Variants in MPDZ observed in about 807,000 individuals in gnomAD.
The protein encoded by MPDZ is multiple PDZ domain protein.
Under a neutral mutation model 239.1 loss-of-function variants are expected in MPDZ, and 234 were observed. The observed-to-expected ratio is 0.98, with a 90% CI of 0.88 to 1.09. MPDZ has a LOEUF of 1.09. Among genes scored for constraint, MPDZ ranks in the 50% least tolerant of loss-of-function variants. MPDZ has a pLI of 0.00. For synonymous variants in MPDZ, 1,048 were observed against 881.3 expected (o/e 1.19, Z -3.35); for missense variants, 3,175 against 2,510.0 (o/e 1.26, Z -5.66).
At chr9:13,263,474 T>G (rs2138861621) in intron 1 of MPDZ, among the ~76,000 whole-genome samples, 1 of 152,030 alleles carries the variant, frequency 6.6e-6, no homozygotes, top group East Asian at 1.9e-4. Context: ...ATTGGTAAAT[T>G]CTCCCAGAAC....
At chr9:13,272,645 C>G (rs1165349685) in intron 1 of MPDZ, among the ~76,000 whole-genome samples, 2 of 148,200 alleles carry the variant, frequency 1.3e-5, no homozygotes, top group African/African-American at 5.0e-5. Flanking sequence ...ATCACCTGAC[C>G]TGAGGTCAGG....
chr9:13,262,001 C>T (rs908993188), intron 1 of MPDZ, among the ~76,000 whole-genome samples: 4 of 151,716 alleles, frequency 2.6e-5, no homozygotes, highest in Middle Eastern at 3.4e-3. Flanking sequence ...GCTATCATCA[C>T]GCCACTGAAC....
rs556938537 is a variant in MPDZ at position 13,144,106 on chromosome 9, T to C, written c.3742-542A>G. 5.9e-5 allele frequency among the ~76,000 whole-genome samples: 9 copies of C among 152,208 alleles called. 1 individual carries two copies. In the South Asian group the frequency reaches 1.9e-3, roughly 32 times the overall value. On this transcript the variant is annotated intron_variant, in intron 26 of 46. Coordinates refer to ENST00000319217, the MANE Select transcript of MPDZ (RefSeq NM_001378778.1). ...ATATTAAAGTGCTTCAGAGCAATTG[T>C]ATTTTTTAAATTAAAAAAACAGTAA...
At chr9:13,116,097 T>A (rs1943406001) in intron 39 of MPDZ, among the ~76,000 whole-genome samples, 1 of 152,018 alleles carries the variant, frequency 6.6e-6, no homozygotes, top group Admixed American at 6.6e-5. Flanking sequence ...ACTTATGATA[T>A]AAAATTTAGA....
chr9:13,202,897 T>C (rs1051329559), intron 12 of MPDZ, among the ~76,000 whole-genome samples: 2 of 152,180 alleles, frequency 1.3e-5, no homozygotes, highest in Non-Finnish European at 2.9e-5. Flanking sequence ...TTGTCTTTGA[T>C]AGTTTCCAGT....
rs138547279 is a variant in MPDZ, at chr9:13,198,727, A to ATCTCTC, written c.1547-2503_1547-2498dup. On this transcript the variant is annotated intron_variant, in intron 12 of 46. Coordinates refer to ENST00000319217, the MANE Select transcript of MPDZ (RefSeq NM_001378778.1). ...TTCAGTTCTTATATTTAGGTCTTTA[A>ATCTCTC]TCTCTCTCTCTGTGTGTGTGTGTGT... is the stretch of plus-strand genomic sequence containing the variant. 2.2e-3 allele frequency among the ~76,000 whole-genome samples: 181 copies of ATCTCTC among 81,242 alleles called. 3 individuals carry two copies. The highest frequency in any genetic ancestry group is 6.8e-3 in the Middle Eastern group (1 of 148). The allele number at this position is 81,242 out of a possible 152,430, so 53.3% of individuals were successfully genotyped here. A position where few individuals can be genotyped will look rare whatever the true frequency, so the allele number is the denominator to read the frequency against.
At chr9:13,144,555 T>C (rs1948183223) in intron 26 of MPDZ, among the ~76,000 whole-genome samples, 1 of 152,092 alleles carries the variant, frequency 6.6e-6, no homozygotes, top group Non-Finnish European at 1.5e-5. Flanking sequence ...AATGTTTGTG[T>C]TACTTTTCTC....
intron 15 of MPDZ, 122 bp from the exon 16 acceptor site, chr9:13,190,421 G>A: frequency 1.2e-6 from 1 of 830,536 alleles, no homozygotes; most frequent in Non-Finnish European, 1.6e-6. Flanking sequence ...AACAAGAGTA[G>A]CAACAGCTTT....
intron 26 of MPDZ, among the ~76,000 whole-genome samples, chr9:13,146,872 A>G (rs574847060): frequency 3.3e-5 from 5 of 152,058 alleles, no homozygotes; most frequent in Non-Finnish European, 7.4e-5. Context: ...TTTGTTAACA[A>G]CATTCATTAA....
chr9:13,132,631 G>A (rs1946170237), intron 32 of MPDZ, among the ~76,000 whole-genome samples: 1 of 152,068 alleles, frequency 6.6e-6, no homozygotes, highest in South Asian at 2.1e-4. Flanking sequence ...ATAATAGCAA[G>A]CACTATTTGT....
intron 20 of MPDZ, 75 bp from the exon 21 acceptor site, chr9:13,175,950 G>A (rs1438480318): frequency 1.3e-5 from 20 of 1,496,262 alleles, no homozygotes; most frequent in East Asian, 1.2e-4. Context: ...TCAACATCAC[G>A]CATGTTCTCT....
At chr9:13,115,363 G>A (rs775898604) in intron 39 of MPDZ, 29 bp from the exon 40 acceptor site, 70 of 1,546,526 alleles carry the variant, frequency 4.5e-5, no homozygotes, top group Non-Finnish European at 6.0e-5. Flanking sequence ...GGTGTTTTAT[G>A]GAAATGTTTA....
intron 19 of MPDZ, among the ~76,000 whole-genome samples, chr9:13,180,903 G>C (rs1469512392): frequency 6.6e-6 from 1 of 152,090 alleles, no homozygotes; most frequent in Non-Finnish European, 1.5e-5. Context: ...CCCCAAATTA[G>C]ATAATTTTGT....
chr9:13,133,873 G>A lies in MPDZ; in HGVS notation c.4415C>T (p.Ala1472Val). ...TEPTVTTSDA[A>V]VDLSSFKNVQ... is the part of the protein sequence containing the mutation. ...ATTTTTAAATGAACTGAGGTCCACA[G>A]CTGCATCAGAAGTAGTAACAGTTGG... Residue 1472 changes from alanine (A) to valine (V), a missense_variant, in exon 32 of 47, where the codon GCT becomes GTT. Ala to Val is a moderately conservative substitution (Grantham distance 64, BLOSUM62 0). Transcript: ENST00000319217. The A allele has an allele frequency of 6.3e-7, 1 of 1,599,440 alleles. No homozygotes were observed.
chr9:13,269,241 A>G (rs1173030513), intron 1 of MPDZ, among the ~76,000 whole-genome samples: 2 of 152,230 alleles, frequency 1.3e-5, no homozygotes, highest in African/African-American at 4.8e-5. Flanking sequence ...CCAAAAGAAC[A>G]GCAGAAAGAT....
At chr9:13,107,703 G>A (rs1941716684) in intron 46 of MPDZ, among the ~76,000 whole-genome samples, 1 of 152,168 alleles carries the variant, frequency 6.6e-6, no homozygotes, top group South Asian at 2.1e-4. Flanking sequence ...AGGGTAGAGA[G>A]ATTCTTCATA....
At chr9:13,158,486 C>T (rs1950095170) in intron 23 of MPDZ, among the ~76,000 whole-genome samples, 1 of 152,138 alleles carries the variant, frequency 6.6e-6, no homozygotes, top group Non-Finnish European at 1.5e-5. Context: ...GCTAGAAGCA[C>T]CATGTAGGTT....
At chr9:13,245,598 A>C (rs1296214979) in intron 3 of MPDZ, among the ~76,000 whole-genome samples, 2 of 152,194 alleles carry the variant, frequency 1.3e-5, no homozygotes, top group East Asian at 3.9e-4. Context: ...ACATGTGATC[A>C]AGGAGCCCAA....
chr9:13,214,887 G>A (rs983353109), intron 10 of MPDZ, among the ~76,000 whole-genome samples: 2 of 151,472 alleles, frequency 1.3e-5, no homozygotes, highest in African/African-American at 4.8e-5. Context: ...GTAGGTAGGA[G>A]TTTCACAGAA....
Sources: allele counts gnomAD v4.1 joint callset (sites outside exome capture counted in the v4.1 genomes callset), GRCh38; gene constraint gnomAD v4.1.1; transcripts MANE v1.5; gene names NCBI Gene and HGNC (gene_info 2026-07-23, HGNC 2026-07-21).